PDE9A: variants seen among roughly 807,000 people sequenced by gnomAD.
PDE9A encodes the protein high affinity cGMP-specific 3',5'-cyclic phosphodiesterase 9A.
A neutral mutation model predicts 87.4 loss-of-function variants in PDE9A; 60 were observed. The observed-to-expected ratio is 0.69, with a 90% CI of 0.56 to 0.85. The LOEUF is 0.85. Among genes scored for constraint, PDE9A ranks in the 40% least tolerant of loss-of-function variants. The pLI is 0.00. For synonymous variants in PDE9A, 272 were observed against 279.4 expected (o/e 0.97, Z 0.27); for missense variants, 665 against 779.0 (o/e 0.85, Z 1.74).
At position 42,692,465 on chromosome 21, in the gene PDE9A, C is replaced by T. The variant is rs191457947; in HGVS notation, c.218+4471C>T. On this transcript the variant is annotated intron_variant, in intron 3 of 19. Transcript: ENST00000291539. This position sits in a 1 kb window ranked among gnomAD's most constrained non-coding sequence, Gnocchi z 4.3. ...GTCTGAGGTCTCCCCTGTGCTCTGT[C>T]GCTGTCCTCTCACCCTCCCCCAATC... is the stretch of plus-strand genomic sequence containing the variant. 3.3e-5 allele frequency among the ~76,000 whole-genome samples: 5 copies of T among 152,278 alleles called. No homozygotes were observed. The highest frequency in any genetic ancestry group is 2.6e-4 in the Admixed American group (4 of 15,298).
intron 18 of PDE9A, 86 bp from the exon 19 acceptor site, chr21:42,772,353 A>G (rs2057098409): frequency 1.2e-6 from 1 of 857,684 alleles, no homozygotes. Flanking sequence ...CAGCACCTCC[A>G]GGCAACAGAA....
rs1467265248 is a variant in PDE9A at position 42,698,946 on chromosome 21, G to A, written c.219-22G>A. On this transcript the variant is annotated intron_variant, in intron 3 of 19. Coordinates refer to ENST00000291539, the MANE Select transcript of PDE9A (RefSeq NM_002606.3). Reference sequence around the variant, plus strand: ...CGAGCGCCTTGCAGAGTCTCACAGCGGCACTGTCTTCTCTTTTGCAGCACT... The same window carrying A: ...CGAGCGCCTTGCAGAGTCTCACAGCAGCACTGTCTTCTCTTTTGCAGCACT... 5.6e-6 allele frequency: 9 copies of A among 1,603,154 alleles called. No individual in the cohort carries two copies. The African/African-American group carries it at 8.0e-5, about 14-fold the overall frequency.
At chr21:42,657,313 G>A (rs562764938) in intron 1 of PDE9A, among the ~76,000 whole-genome samples, 1 of 152,296 alleles carries the variant, frequency 6.6e-6, no homozygotes, top group East Asian at 1.9e-4. Flanking sequence ...CCAGCACCAG[G>A]TGAAGCCCTC....
chr21:42,654,507 C>T (rs920162781), intron 1 of PDE9A, among the ~76,000 whole-genome samples: 5 of 152,058 alleles, frequency 3.3e-5, no homozygotes, highest in Non-Finnish European at 7.4e-5. Flanking sequence ...TCGTGGCCCC[C>T]TCTGACGGGC....
rs942613274 is a variant in PDE9A at position 42,770,602 on chromosome 21, C to G, written c.1591-101C>G. The G allele has an allele frequency of 1.9e-5, 16 of 844,318 alleles. No homozygotes were observed. In the Admixed American group the frequency reaches 3.1e-4, roughly 16 times the overall value. The allele number at this position is 844,318 out of a possible 1,614,324, so 52.3% of individuals were successfully genotyped here. A position where few individuals can be genotyped will look rare whatever the true frequency, so the allele number is the denominator to read the frequency against. ...AGGGTGTCCAGGAGCTGGGACTGGCCCAGAGGTTTCCGCACGGAGCACCTG... is the reference window on the plus strand; with the variant it reads ...AGGGTGTCCAGGAGCTGGGACTGGCGCAGAGGTTTCCGCACGGAGCACCTG... On this transcript the variant is annotated intron_variant, in intron 17 of 19. Transcript: ENST00000291539.
chr21:42,686,836 AAG>A (rs1282826419), intron 2 of PDE9A, among the ~76,000 whole-genome samples: 1 of 152,068 alleles, frequency 6.6e-6, no homozygotes, highest in African/African-American at 2.4e-5. Flanking sequence ...ATAAATAAAA[AAG>A]AGTGTGGGTT....
chr21:42,698,507 G>GGT (rs1555912801), intron 3 of PDE9A, among the ~76,000 whole-genome samples: 214 of 152,206 alleles, frequency 1.4e-3, no homozygotes, highest in African/African-American at 5.0e-3. Context: ...GGGGGGAGGG[G>GGT]GGTTGACATC....
At chr21:42,772,418 C>T (rs1381220344) in intron 18 of PDE9A, 21 bp from the exon 19 acceptor site, 2 of 1,569,646 alleles carry the variant, frequency 1.3e-6, no homozygotes, top group South Asian at 1.1e-5. Context: ...CTGACTTGGC[C>T]TTCTCTGTAC....
chr21:42,666,177 G>T (rs2145889898), intron 1 of PDE9A, among the ~76,000 whole-genome samples: 1 of 152,052 alleles, frequency 6.6e-6, no homozygotes, highest in East Asian at 1.9e-4. Context: ...AGTGGGCGTG[G>T]TCATCAAGAA....
chr21:42,770,992 A>G (rs564640096), intron 18 of PDE9A, among the ~76,000 whole-genome samples, 194 bp downstream of exon 18: 2 of 152,386 alleles, frequency 1.3e-5, no homozygotes, highest in South Asian at 4.1e-4. Flanking sequence ...CCAAAACTGC[A>G]TTCGCCAAGA....
intron 4 of PDE9A, among the ~76,000 whole-genome samples, chr21:42,699,749 G>A (rs1224014653): frequency 6.6e-6 from 1 of 151,808 alleles, no homozygotes; most frequent in Non-Finnish European, 1.5e-5. Context: ...GGTAGAGACG[G>A]GATTTTGCCA....
chr21:42,767,728 G>A lies in PDE9A; in HGVS notation c.1357-460G>A, dbSNP rs551999235. Among the ~76,000 whole-genome samples, 4 of 152,300 alleles carry A rather than the reference G, an allele frequency of 2.6e-5. No individual in the cohort carries two copies. In the East Asian group the frequency reaches 5.8e-4, roughly 22 times the overall value. ...CCCGGTGCAGGCAGGGCCACGGGAC[G>A]CCAGCCCTCCACCTCTTGTCCTATG... On this transcript the variant is annotated intron_variant, in intron 15 of 19. Transcript: ENST00000291539.
intron 4 of PDE9A, among the ~76,000 whole-genome samples, chr21:42,718,353 T>C (rs963588532): frequency 2.6e-5 from 4 of 152,016 alleles, no homozygotes; most frequent in Middle Eastern, 3.4e-3. Flanking sequence ...TCAGCAAATT[T>C]GCAAAATTGT....
Position 42,775,270 on chromosome 21 carries a change from C to T in PDE9A, c.1769-10C>T, listed in dbSNP as rs1420796601. On this transcript the variant is annotated splice_polypyrimidine_tract_variant and intron_variant, in intron 19 of 19. Transcript: ENST00000291539. ...CAAAAACAAATCAGTCATCGTTTCC[C>T]TTCTTCCAGGAGACTGTGCCTGAGG... The T allele has an allele frequency of 2.5e-6, 4 of 1,612,002 alleles. No individual in the cohort carries two copies. Among genetic ancestry groups the T allele is most frequent in the East Asian group, 4.5e-5 (2 of 44,760 alleles).
chr21:42,713,187 T>G (rs1315442870), intron 4 of PDE9A, among the ~76,000 whole-genome samples: 1 of 152,188 alleles, frequency 6.6e-6, no homozygotes, highest in Non-Finnish European at 1.5e-5. Context: ...CAGGCTGGAG[T>G]GCAGTGCTGC....
intron 8 of PDE9A, among the ~76,000 whole-genome samples, chr21:42,745,654 C>T (rs552271039): frequency 6.6e-6 from 1 of 152,360 alleles, no homozygotes; most frequent in East Asian, 1.9e-4. Context: ...TTGGTTCAGC[C>T]CTCTGGCTGT....
intron 17 of PDE9A, among the ~76,000 whole-genome samples, chr21:42,769,549 C>T (rs1457795934): frequency 8.7e-6 from 1 of 114,698 alleles, no homozygotes; most frequent in East Asian, 2.5e-4. Flanking sequence ...CACACAAATG[C>T]ACACACAGGC....
At chr21:42,753,868 AAAAAAAAAAAGAAAG>A (rs1353065468) in intron 9 of PDE9A, 107 bp from the exon 10 acceptor site, 1 of 595,646 alleles carries the variant, frequency 1.7e-6, no homozygotes, top group Non-Finnish European at 2.9e-6. Context: ...TCTCAAAAAA[AAAAAAAAAAAGAAAG>A]AAAGAAAAAG....
At chr21:42,655,242 C>T (rs543281679) in intron 1 of PDE9A, among the ~76,000 whole-genome samples, 1 of 152,298 alleles carries the variant, frequency 6.6e-6, no homozygotes, top group Admixed American at 6.5e-5. Flanking sequence ...CTTTTTCTGC[C>T]CGATAGATGA....
Sources: gnomAD v4.1 joint callset for allele counts (sites outside exome capture counted in the v4.1 genomes callset) on GRCh38, gnomAD v4.1.1 for gene constraint, Gnocchi (gnomAD v3.1) non-coding constraint, MANE v1.5 for transcripts, NCBI Gene and HGNC (gene_info 2026-07-23, HGNC 2026-07-21) for gene names.